The following SGCZ variants were observed in gnomAD, a reference collection of about 807,000 sequenced individuals.
SGCZ encodes zeta-sarcoglycan.
A neutral mutation model predicts 41.3 loss-of-function variants in SGCZ; 40 were observed. The observed-to-expected ratio is 0.97, with a 90% CI of 0.75 to 1.26. The LOEUF is 1.26. Among genes scored for constraint, SGCZ ranks in the 50% most tolerant of loss-of-function variants. SGCZ has a pLI of 0.00. For missense variants in SGCZ, 552 were observed against 369.8 expected, an observed-to-expected ratio of 1.49 and a Z score of -4.04; for synonymous variants, 206 against 137.5, an observed-to-expected ratio of 1.50 and a Z score of -3.49.
At position 14,102,406 on chromosome 8, in the gene SGCZ, C is replaced by T. The variant is rs772780119; in HGVS notation, c.714G>A (p.Lys238=). The part of the protein sequence containing the change: ...AAGDFKATCR[K]ELHLQSTEGE... ...CTTCTGTAGATTGCAGATGGAGCTC[C>T]TTCCTGCAGGTGGCCTTGAAGTCTC... is the stretch of plus-strand genomic sequence containing the variant. Residue 238 remains lysine, a synonymous_variant, in exon 7 of 8, where the codon AAG becomes AAA. Transcript: ENST00000382080. 3.9e-6 allele frequency: 6 copies of T among 1,524,694 alleles called. No homozygotes were observed. The highest frequency in any genetic ancestry group is 1.3e-5 in the South Asian group (1 of 78,402). The allele number at this position is 1,524,694 out of a possible 1,614,324, so 94.4% of individuals were successfully genotyped here.
At chr8:14,807,774 T>G (rs1287970737) in intron 1 of SGCZ, among the ~76,000 whole-genome samples, 7 of 151,980 alleles carry the variant, frequency 4.6e-5, no homozygotes, top group Non-Finnish European at 8.8e-5. Context: ...CATCACCAAG[T>G]CAATCCTAAG....
intron 1 of SGCZ, among the ~76,000 whole-genome samples, chr8:15,206,925 T>C (rs1801087487): frequency 6.6e-6 from 1 of 152,246 alleles, no homozygotes; most frequent in Non-Finnish European, 1.5e-5. Context: ...AATTAAAAAT[T>C]TGCTGTAACA....
chr8:14,448,477 C>T (rs1007577595), intron 2 of SGCZ, among the ~76,000 whole-genome samples: 1 of 152,096 alleles, frequency 6.6e-6, no homozygotes, highest in Non-Finnish European at 1.5e-5. Context: ...GAATTGAGAG[C>T]AGAAATGTAA....
chr8:14,943,773 C>G (rs1310758861), intron 1 of SGCZ, among the ~76,000 whole-genome samples: 1 of 152,094 alleles, frequency 6.6e-6, no homozygotes, highest in Non-Finnish European at 1.5e-5. Context: ...TTTTTCCCCT[C>G]TTTGTGTTCA....
chr8:15,017,672 G>T (rs1357617492), intron 1 of SGCZ, among the ~76,000 whole-genome samples: 2 of 151,900 alleles, frequency 1.3e-5, no homozygotes, highest in Non-Finnish European at 2.9e-5. Context: ...TGCCCAGCTA[G>T]TTTTTCATAT....
intron 1 of SGCZ, among the ~76,000 whole-genome samples, chr8:14,963,036 A>G (rs1349365101): frequency 6.6e-6 from 1 of 152,194 alleles, no homozygotes; most frequent in Non-Finnish European, 1.5e-5. Context: ...CTGGACTGAA[A>G]GTTTGATTTT....
intron 1 of SGCZ, among the ~76,000 whole-genome samples, chr8:15,236,328 G>A (rs914762723): frequency 1.3e-5 from 2 of 152,212 alleles, no homozygotes; most frequent in South Asian, 4.1e-4. Flanking sequence ...ACAGGCTGCA[G>A]ACAGAGGCTT....
chr8:14,912,432 T>A lies in SGCZ; in HGVS notation c.39+325153A>T, dbSNP rs545020745. On this transcript the variant is annotated intron_variant, in intron 1 of 7. Coordinates refer to ENST00000382080, the MANE Select transcript of SGCZ (RefSeq NM_139167.4). The stretch of plus-strand genomic sequence containing the variant: ...CCTCAGCATAGAAATGATTAAATAT[T>A]ACTTTATACTACATGTTGAGAACTA... Among the ~76,000 whole-genome samples, 388 of 152,218 alleles carry A rather than the reference T, an allele frequency of 2.5e-3. 2 individuals are homozygous for A. The highest frequency in any genetic ancestry group is 8.9e-3 in the African/African-American group (372 of 41,584).
chr8:14,683,281 T>C (rs748777907), intron 1 of SGCZ, among the ~76,000 whole-genome samples: 2 of 152,038 alleles, frequency 1.3e-5, no homozygotes, highest in Non-Finnish European at 2.9e-5. Flanking sequence ...TTACCAGGAG[T>C]TAACACCAAG....
chr8:15,234,197 C>T (rs752453831), intron 1 of SGCZ, among the ~76,000 whole-genome samples: 7 of 152,226 alleles, frequency 4.6e-5, no homozygotes, highest in East Asian at 1.9e-4. Flanking sequence ...AAGAGAGCAA[C>T]GATGGAGCTA....
chr8:14,384,123 A>AC (rs1256963576), intron 2 of SGCZ, among the ~76,000 whole-genome samples: 3 of 151,616 alleles, frequency 2.0e-5, no homozygotes, highest in Non-Finnish European at 2.9e-5. Context: ...ACCTCCCGCT[A>AC]CCCCACAACA....
chr8:14,709,336 C>A lies in SGCZ; in HGVS notation c.40-154410G>T, dbSNP rs188543616. Among the ~76,000 whole-genome samples the A allele has an allele frequency of 1.4e-3, 206 of 152,238 alleles. 1 individual carries two copies. Among genetic ancestry groups the A allele is most frequent in the Middle Eastern group, 6.8e-3 (2 of 294 alleles). ...CCTCCAACCCAGAGAAAGCTACATG[C>A]CCCACCTCATTACTTCAGCTTAAAT... is the stretch of plus-strand genomic sequence containing the variant. On this transcript the variant is annotated intron_variant, in intron 1 of 7. Transcript: ENST00000382080.
At chr8:14,696,485 AG>A (rs1808967932) in intron 1 of SGCZ, among the ~76,000 whole-genome samples, 1 of 152,176 alleles carries the variant, frequency 6.6e-6, no homozygotes, top group Admixed American at 6.5e-5. Flanking sequence ...AAATAATTGC[AG>A]AGCAAAAAGG....
Position 14,927,504 on chromosome 8 carries a change from G to C in SGCZ, c.39+310081C>G, listed in dbSNP as rs143650422. 3.5e-3 allele frequency among the ~76,000 whole-genome samples: 532 copies of C among 152,138 alleles called. 7 individuals carry two copies. Among genetic ancestry groups the C allele is most frequent in the Admixed American group, 7.7e-3 (117 of 15,268 alleles). On this transcript the variant is annotated intron_variant, in intron 1 of 7. Coordinates refer to ENST00000382080, the MANE Select transcript of SGCZ (RefSeq NM_139167.4). Reference sequence around the variant, plus strand: ...GTAAGGGAGAGAGAGAATAAACAAGGTAGAGAAATAAGAAGAAGAGCAAGA... The same window carrying C: ...GTAAGGGAGAGAGAGAATAAACAAGCTAGAGAAATAAGAAGAAGAGCAAGA...
At chr8:14,530,811 CA>C (rs1262070873) in intron 2 of SGCZ, among the ~76,000 whole-genome samples, 2 of 152,112 alleles carry the variant, frequency 1.3e-5, no homozygotes, top group African/African-American at 4.8e-5. Context: ...AGTGACACCA[CA>C]TCTCTTTTAA....
At chr8:14,118,648 C>T (rs1708722208) in intron 5 of SGCZ, among the ~76,000 whole-genome samples, 1 of 152,112 alleles carries the variant, frequency 6.6e-6, no homozygotes, top group African/African-American at 2.4e-5. Flanking sequence ...CACCTATGTC[C>T]TGAGTGGTAT....
At chr8:14,254,024 T>C (rs2117214583) in intron 3 of SGCZ, among the ~76,000 whole-genome samples, 1 of 152,310 alleles carries the variant, frequency 6.6e-6, no homozygotes, top group Non-Finnish European at 1.5e-5. Context: ...ATTAAAACAG[T>C]ACTTCTTCCA....
At chr8:14,825,663 T>A (rs1191216504) in intron 1 of SGCZ, among the ~76,000 whole-genome samples, 1 of 152,162 alleles carries the variant, frequency 6.6e-6, no homozygotes, top group African/African-American at 2.4e-5. Flanking sequence ...AACTTGCTTA[T>A]CTTACAACTG....
intron 1 of SGCZ, among the ~76,000 whole-genome samples, chr8:14,975,050 G>A (rs1156968087): frequency 6.6e-6 from 1 of 151,494 alleles, no homozygotes; most frequent in Non-Finnish European, 1.5e-5. Flanking sequence ...TTCCAGCCTC[G>A]GATCCCAGCA....
Sources: gnomAD v4.1 joint callset for allele counts (sites outside exome capture counted in the v4.1 genomes callset) on GRCh38, gnomAD v4.1.1 for gene constraint, MANE v1.5 for transcripts, NCBI Gene and HGNC (gene_info 2026-07-23, HGNC 2026-07-21) for gene names.